Variants in TRDN observed in about 807,000 individuals in gnomAD.
TRDN encodes the protein triadin in skeletal muscle.
Under a neutral mutation model 149.7 loss-of-function variants are expected in TRDN, and 161 were observed. The observed-to-expected ratio is 1.08, with a 90% CI of 0.95 to 1.23. TRDN has a LOEUF of 1.23. TRDN is among the 50% of genes most tolerant of loss of function. The pLI is 0.00. For missense variants in TRDN, 896 were observed against 823.5 expected (o/e 1.09, Z -1.08); for synonymous variants, 294 against 250.5 (o/e 1.17, Z -1.64).
intron 24 of TRDN, 72 bp from the exon 25 acceptor site, chr6:123,279,154 A>G: frequency 8.4e-7 from 1 of 1,190,646 alleles, no homozygotes; most frequent in Non-Finnish European, 1.2e-6. Flanking sequence ...ATTGAATATG[A>G]TATAATATAT....
At chr6:123,399,166 C>T (rs137938437) in intron 12 of TRDN, among the ~76,000 whole-genome samples, 53 of 152,240 alleles carry the variant, frequency 3.5e-4, no homozygotes, top group African/African-American at 1.2e-3. Context: ...AATTTGGATG[C>T]TTTTACTACA....
chr6:123,474,052 C>G (rs979880532), intron 9 of TRDN, among the ~76,000 whole-genome samples: 8 of 151,494 alleles, frequency 5.3e-5, no homozygotes, highest in Non-Finnish European at 1.2e-4. Context: ...AGCAAAATAA[C>G]CAGCTAACAT....
intron 35 of TRDN, among the ~76,000 whole-genome samples, chr6:123,257,017 T>C (rs1305840472): frequency 6.6e-6 from 1 of 150,982 alleles, no homozygotes; most frequent in Non-Finnish European, 1.5e-5. Flanking sequence ...AGTCTCACTC[T>C]GGCACCAAGC....
At chr6:123,498,516 G>T (rs1243246915) in intron 8 of TRDN, 1 of 470,264 alleles carries the variant, frequency 2.1e-6, no homozygotes, top group East Asian at 6.9e-5. Context: ...GTTGAAATTG[G>T]AGCACATTTT....
intron 1 of TRDN, among the ~76,000 whole-genome samples, chr6:123,586,779 G>A (rs1265764553): frequency 3.3e-5 from 5 of 151,956 alleles, no homozygotes; most frequent in Non-Finnish European, 5.9e-5. Context: ...GACAAACCCA[G>A]AGAAAAGAGA....
intron 1 of TRDN, among the ~76,000 whole-genome samples, chr6:123,574,306 T>C (rs1224328834): frequency 1.3e-5 from 2 of 151,982 alleles, no homozygotes; most frequent in East Asian, 3.9e-4. Flanking sequence ...GTGAAAATGA[T>C]AGCAAGATAA....
chr6:123,612,698 TCA>T (rs1491089188), intron 1 of TRDN, among the ~76,000 whole-genome samples: 8,109 of 152,186 alleles, frequency 0.053, 738 homozygotes, highest in African/African-American at 0.18. Context: ...CCACTGTGCG[TCA>T]AGATGAAGAC....
At chr6:123,563,181 G>T (rs73539126) in intron 2 of TRDN, among the ~76,000 whole-genome samples, 5,927 of 152,180 alleles carry the variant, frequency 0.039, 176 homozygotes, top group African/African-American at 0.086. Context: ...GAGGCAAAAG[G>T]AACATTACTG....
intron 12 of TRDN, among the ~76,000 whole-genome samples, chr6:123,417,766 T>C (rs1773715345): frequency 6.6e-6 from 1 of 152,160 alleles, no homozygotes; most frequent in Non-Finnish European, 1.5e-5. Context: ...AAGCTGCCAA[T>C]GATACATCCC....
intron 37 of TRDN, 142 bp from the exon 38 acceptor site, chr6:123,252,577 TG>T (rs1323705917): frequency 2.1e-6 from 1 of 474,106 alleles, no homozygotes; most frequent in African/African-American, 2.0e-5. Context: ...AGTCATCTGT[TG>T]CCTGTCAACA....
intron 10 of TRDN, among the ~76,000 whole-genome samples, chr6:123,463,692 T>A (rs537333520): frequency 9.5e-4 from 144 of 152,110 alleles, no homozygotes; most frequent in African/African-American, 3.2e-3. Context: ...TAGTTTTGTG[T>A]CAAATTCTCT....
intron 19 of TRDN, among the ~76,000 whole-genome samples, chr6:123,368,297 T>C (rs1202223549): frequency 6.6e-6 from 1 of 152,220 alleles, no homozygotes. Context: ...CTCCTCTTCA[T>C]TGTTGTCATC....
intron 1 of TRDN, among the ~76,000 whole-genome samples, chr6:123,600,792 G>C (rs1366431270): frequency 1.3e-5 from 2 of 151,926 alleles, no homozygotes; most frequent in Non-Finnish European, 2.9e-5. Context: ...ATAAGTACAG[G>C]GATAATTCTA....
At chr6:123,350,670 T>C (rs1459681643) in intron 21 of TRDN, 21 of 782,950 alleles carry the variant, frequency 2.7e-5, no homozygotes, top group Non-Finnish European at 2.6e-5. Context: ...AGATATACTA[T>C]CATAAAAATA....
intron 21 of TRDN, among the ~76,000 whole-genome samples, chr6:123,339,307 G>A (rs1779984732): frequency 6.6e-6 from 1 of 151,976 alleles, no homozygotes; most frequent in South Asian, 2.1e-4. Flanking sequence ...GCCCGGCCAT[G>A]TATTAGGTTT....
chr6:123,486,126 G>A (rs980226191), intron 9 of TRDN, among the ~76,000 whole-genome samples: 10 of 152,020 alleles, frequency 6.6e-5, no homozygotes, highest in Non-Finnish European at 2.9e-5. Flanking sequence ...AGAGGCATAA[G>A]ATGACTTAAA....
intron 21 of TRDN, chr6:123,349,728 T>G (rs985694563): frequency 6.1e-6 from 6 of 982,042 alleles, no homozygotes; most frequent in Non-Finnish European, 7.3e-6. Context: ...ATCATTACTC[T>G]TAGATATTAT....
chr6:123,250,638 T>C (rs538607189), intron 38 of TRDN, among the ~76,000 whole-genome samples: 9 of 152,254 alleles, frequency 5.9e-5, no homozygotes, highest in Admixed American at 5.9e-4. Context: ...TGATCATTTA[T>C]TTTAATATGG....
intron 38 of TRDN, among the ~76,000 whole-genome samples, chr6:123,240,395 G>T (rs1481556605): frequency 6.6e-6 from 1 of 151,502 alleles, no homozygotes; most frequent in Non-Finnish European, 1.5e-5. Context: ...AATTATTTTA[G>T]AAATGGGAAG....
Sources: allele counts gnomAD v4.1 joint callset (sites outside exome capture counted in the v4.1 genomes callset), GRCh38; gene constraint gnomAD v4.1.1; transcripts MANE v1.5; gene names NCBI Gene and HGNC (gene_info 2026-07-23, HGNC 2026-07-21).